Variants in MCMBP observed in about 807,000 individuals in gnomAD.
The protein encoded by MCMBP is mini-chromosome maintenance complex-binding protein.
In MCMBP, 31 loss-of-function variants were observed where a neutral mutation model predicts 81.3. The observed-to-expected ratio is 0.38, with a 90% CI of 0.29 to 0.51. MCMBP has a LOEUF of 0.51. MCMBP is among the 20% of genes least tolerant of loss of function. MCMBP has a pLI of 0.87. For missense variants in MCMBP, 645 were observed against 772.1 expected, an observed-to-expected ratio of 0.84 and a Z score of 1.95; for synonymous variants, 267 against 275.9, an observed-to-expected ratio of 0.97 and a Z score of 0.32.
chr10:119,857,224 G>T, intron 5 of MCMBP, 114 bp downstream of exon 5: 1 of 695,352 alleles, frequency 1.4e-6, no homozygotes, highest in South Asian at 2.5e-5. Flanking sequence ...TTCTCAATTA[G>T]AACAAATGAA....
chr10:119,858,802 AAATTT>A, intron 4 of MCMBP, 77 bp downstream of exon 4: 1 of 1,039,798 alleles, frequency 9.6e-7, no homozygotes, highest in Admixed American at 2.3e-5. Flanking sequence ...CAAGATAAAT[AAATTT>A]AAGATTAGCT....
intron 5 of MCMBP, among the ~76,000 whole-genome samples, chr10:119,854,324 G>A (rs1410795301): frequency 6.6e-6 from 1 of 151,738 alleles, no homozygotes; most frequent in African/African-American, 2.4e-5. Flanking sequence ...TTATAGGCAT[G>A]AGCCACTGTG....
At position 119,859,142 on chromosome 10, in the gene MCMBP, G is replaced by C; in HGVS notation, c.184C>G (p.Pro62Ala). The C allele has an allele frequency of 1.2e-6, 2 of 1,613,754 alleles. No individual in the cohort carries two copies. The highest frequency in any genetic ancestry group is 1.7e-6 in the Non-Finnish European group (2 of 1,179,870). The change falls in exon 3 of 16, where the codon CCT becomes GCT. Residue 62 changes from proline (P) to alanine (A), a missense_variant. Physicochemically the swap from Pro to Ala is conservative, Grantham distance 27 (BLOSUM62 -1). Transcript: ENST00000369077. The part of the protein sequence containing the change: ...LNEVPLHYLK[P>A]NSFVKFRCMI... ...CAACGAAATTTCACAAAACTATTAG[G>C]TTTCAAATAATGAAGGGGAACTTCG...
chr10:119,867,177 C>G (rs949732513), intron 1 of MCMBP, among the ~76,000 whole-genome samples: 2 of 150,308 alleles, frequency 1.3e-5, no homozygotes, highest in African/African-American at 2.5e-5. Context: ...CCTGTAGTCC[C>G]AGCTACTCAA....
At chr10:119,869,906 A>G (rs1376456530) in intron 1 of MCMBP, among the ~76,000 whole-genome samples, 1 of 152,240 alleles carries the variant, frequency 6.6e-6, no homozygotes, top group African/African-American at 2.4e-5. Flanking sequence ...TCCTGATGTT[A>G]GGAATATGCT....
rs1168539726 is a variant in MCMBP, at chr10:119,842,716, T to C, written c.1001-121A>G. ...AGTCGACAGTAGGTAAAGCTTAACA[T>C]ATCCGTCAGTAAGTGATGCTAATCT... On this transcript the variant is annotated intron_variant, in intron 9 of 15. Coordinates refer to ENST00000369077, the MANE Select transcript of MCMBP (RefSeq NM_001256378.2). 3 of 1,035,482 alleles carry C rather than the reference T, an allele frequency of 2.9e-6. No individual in the cohort carries two copies. The Admixed American group carries it at 8.8e-5, about 30-fold the overall frequency. The allele number at this position is 1,035,482 out of a possible 1,614,324, so 64.1% of individuals were successfully genotyped here.
chr10:119,858,773 A>C (rs1853140943), intron 4 of MCMBP, 111 bp downstream of exon 4: 2 of 845,432 alleles, frequency 2.4e-6, no homozygotes, highest in Non-Finnish European at 3.7e-6. Flanking sequence ...ATTTCACATG[A>C]TTTCTTGTAA....
At chr10:119,867,098 T>C (rs541492147) in intron 1 of MCMBP, among the ~76,000 whole-genome samples, 142 of 150,860 alleles carry the variant, frequency 9.4e-4, no homozygotes, top group Non-Finnish European at 1.2e-3. Context: ...GTCGAGACCA[T>C]CCTGGCCAAC....
intron 5 of MCMBP, among the ~76,000 whole-genome samples, chr10:119,854,762 T>A (rs61869096): frequency 0.055 from 8,339 of 151,320 alleles, 420 homozygotes; most frequent in South Asian, 0.27. Context: ...ATTAAGACCA[T>A]CCTGGCCAAC....
chr10:119,837,896 G>A lies in MCMBP; in HGVS notation c.1408+639C>T, dbSNP rs370373083. ...CTTTTTAAAAAGCTATTTGGGGCAGGTGCAGTGGCTCACACCTGTAATCCC... is the reference window on the plus strand; with the variant it reads ...CTTTTTAAAAAGCTATTTGGGGCAGATGCAGTGGCTCACACCTGTAATCCC... On this transcript the variant is annotated intron_variant, in intron 12 of 15. Coordinates refer to ENST00000369077, the MANE Select transcript of MCMBP (RefSeq NM_001256378.2). Among the ~76,000 whole-genome samples, 18 of 152,224 alleles carry A rather than the reference G, an allele frequency of 1.2e-4. No homozygotes were observed. In the South Asian group the frequency reaches 1.7e-3, roughly 14 times the overall value.
Position 119,829,791 on chromosome 10 carries a change from A to G in MCMBP, c.*1683T>C, listed in dbSNP as rs1054264828. On this transcript the variant is annotated 3_prime_UTR_variant, in exon 16 of 16. Transcript: ENST00000369077. ...TTACTCATGAAAAACAGCCCAAGGT[A>G]CTGCTAATTTGGGACGTTTTATTTA... 3 of 152,312 alleles carry G rather than the reference A, an allele frequency of 2.0e-5. No individual in the cohort carries two copies. Among genetic ancestry groups the G allele is most frequent in the South Asian group, 4.1e-4 (2 of 4,822 alleles). 9.4% of individuals were successfully genotyped at this position (152,312 alleles called of 1,614,324 possible).
chr10:119,860,474 C>A (rs1853212694), intron 1 of MCMBP, among the ~76,000 whole-genome samples: 1 of 152,132 alleles, frequency 6.6e-6, no homozygotes, highest in African/African-American at 2.4e-5. Context: ...AGGAACAGTA[C>A]TAACCATAGT....
At chr10:119,865,447 C>T (rs529926178) in intron 1 of MCMBP, among the ~76,000 whole-genome samples, 80 of 152,288 alleles carry the variant, frequency 5.3e-4, no homozygotes, top group South Asian at 1.5e-3. Context: ...CAAAAGTTAG[C>T]TGGGCTTGCT....
At chr10:119,849,878 G>T (rs1206305112) in intron 6 of MCMBP, among the ~76,000 whole-genome samples, 1 of 152,020 alleles carries the variant, frequency 6.6e-6, no homozygotes, top group East Asian at 1.9e-4. Flanking sequence ...TTGCAATATG[G>T]TTACTTTGAC....
At chr10:119,861,531 T>C (rs1287514291) in intron 1 of MCMBP, among the ~76,000 whole-genome samples, 1 of 151,992 alleles carries the variant, frequency 6.6e-6, no homozygotes, top group African/African-American at 2.4e-5. Context: ...ATACAGTGAA[T>C]TGGGTAAAAG....
At chr10:119,838,500 A>C in intron 12 of MCMBP, 35 bp downstream of exon 12, 1 of 1,588,736 alleles carries the variant, frequency 6.3e-7, no homozygotes, top group Non-Finnish European at 8.6e-7. Flanking sequence ...GTGCGAAGGA[A>C]GTCAGAAATG....
chr10:119,860,160 C>G (rs1451685938), intron 1 of MCMBP, among the ~76,000 whole-genome samples: 2 of 152,174 alleles, frequency 1.3e-5, no homozygotes, highest in African/African-American at 4.8e-5. Context: ...CACAGTGTAG[C>G]TGGGGACACC....
At chr10:119,848,114 G>GC (rs1852680485) in intron 7 of MCMBP, among the ~76,000 whole-genome samples, 1 of 150,790 alleles carries the variant, frequency 6.6e-6, no homozygotes, top group Non-Finnish European at 1.5e-5. Flanking sequence ...TTCATAAACT[G>GC]CAACATCGGA....
chr10:119,830,042 C>G lies in MCMBP; in HGVS notation c.*1432G>C, dbSNP rs775304851. The G allele has an allele frequency of 1.3e-5, 2 of 152,490 alleles. No individual in the cohort carries two copies. Among genetic ancestry groups the G allele is most frequent in the Non-Finnish European group, 1.5e-5 (1 of 68,012 alleles). The allele number at this position is 152,490 out of a possible 1,614,324, so 9.4% of individuals were successfully genotyped here. On this transcript the variant is annotated 3_prime_UTR_variant, in exon 16 of 16. Coordinates refer to ENST00000369077, the MANE Select transcript of MCMBP (RefSeq NM_001256378.2). ...AGTCTACCAGTTATAAAAATGAAAACCAGTTCAACTCTAATATAAACATTA... is the reference window on the plus strand; with the variant it reads ...AGTCTACCAGTTATAAAAATGAAAAGCAGTTCAACTCTAATATAAACATTA...
Sources: allele counts gnomAD v4.1 joint callset (sites outside exome capture counted in the v4.1 genomes callset), GRCh38; gene constraint gnomAD v4.1.1; transcripts MANE v1.5; gene names NCBI Gene and HGNC (gene_info 2026-07-23, HGNC 2026-07-21).